ARHGAP20: variants seen among roughly 807,000 people sequenced by gnomAD.
The protein encoded by ARHGAP20 is Rho GTPase activating protein 20.
A neutral mutation model predicts 73.7 loss-of-function variants in ARHGAP20; 34 were observed. The observed-to-expected ratio is 0.46, with a 90% CI of 0.35 to 0.61. The LOEUF is 0.61. ARHGAP20 is among the 20% of genes least tolerant of loss of function. The pLI is 0.00. For missense variants in ARHGAP20, 1,314 were observed against 1,420.9 expected (o/e 0.92, Z 1.21); for synonymous variants, 523 against 518.2 (o/e 1.01, Z -0.13).
At chr11:110,642,143 T>G (rs1949090531) in intron 2 of ARHGAP20, among the ~76,000 whole-genome samples, 1 of 152,142 alleles carries the variant, frequency 6.6e-6, no homozygotes, top group Admixed American at 6.6e-5. Context: ...CTAACTGATT[T>G]TGCATCCTGA....
At chr11:110,706,729 G>GA (rs1950558083) in intron 1 of ARHGAP20, among the ~76,000 whole-genome samples, 1 of 151,958 alleles carries the variant, frequency 6.6e-6, no homozygotes, top group South Asian at 2.1e-4. Context: ...TGCATACAAA[G>GA]AAACAAAGCC....
At position 110,712,427 on chromosome 11, in the gene ARHGAP20, G is replaced by T. The variant is rs1230943360; in HGVS notation, c.-196C>A. On this transcript the variant is annotated 5_prime_UTR_variant, in exon 1 of 15. Coordinates refer to ENST00000683387, the MANE Select transcript of ARHGAP20 (RefSeq NM_001384657.1). ...CGCCTGCGCTCGACACCGCGGGCTG[G>T]AGGCGAGTGCAGCGGCGACAGCCCG... The T allele has an allele frequency of 2.5e-5, 7 of 274,958 alleles. No homozygotes were observed. The Admixed American group carries it at 2.8e-4, about 11-fold the overall frequency. The allele number at this position is 274,958 out of a possible 1,614,324, so 17.0% of individuals were successfully genotyped here. A position where few individuals can be genotyped will look rare whatever the true frequency, so the allele number is the denominator to read the frequency against.
At chr11:110,644,823 C>T (rs183652947) in intron 2 of ARHGAP20, among the ~76,000 whole-genome samples, 1 of 152,122 alleles carries the variant, frequency 6.6e-6, no homozygotes, top group East Asian at 1.9e-4. Flanking sequence ...TTCTGCATGG[C>T]AAGAGAAACA....
chr11:110,598,195 T>TAA (rs1418963288), intron 9 of ARHGAP20, among the ~76,000 whole-genome samples: 1 of 135,516 alleles, frequency 7.4e-6, no homozygotes, highest in African/African-American at 2.8e-5. Flanking sequence ...TCCCCTAGAG[T>TAA]AAAAAACACA....
chr11:110,690,729 T>A (rs1476259726), intron 1 of ARHGAP20, 100 bp from the exon 2 acceptor site: 1 of 1,150,600 alleles, frequency 8.7e-7, no homozygotes, highest in African/African-American at 1.5e-5. Context: ...GCATTGCCTA[T>A]CTTTGTCTGT....
rs945925758 is a variant in ARHGAP20, at chr11:110,577,412, T to G, written c.*1958A>C. 8.8e-6 allele frequency: 10 copies of G among 1,135,608 alleles called. No individual in the cohort carries two copies. Among genetic ancestry groups the G allele is most frequent in the Non-Finnish European group, 1.1e-5 (10 of 927,760 alleles). The allele number at this position is 1,135,608 out of a possible 1,614,324, so 70.3% of individuals were successfully genotyped here. A position where few individuals can be genotyped will look rare whatever the true frequency, so the allele number is the denominator to read the frequency against. On this transcript the variant is annotated 3_prime_UTR_variant, in exon 15 of 15. Coordinates refer to ENST00000683387, the MANE Select transcript of ARHGAP20 (RefSeq NM_001384657.1). The stretch of plus-strand genomic sequence containing the variant: ...TAGTAGGAATGGTTATTAAAAAACC[T>G]CAGCAACTATTTTCTTCTATGCTTC...
intron 2 of ARHGAP20, among the ~76,000 whole-genome samples, chr11:110,642,473 C>T (rs188028085): frequency 6.6e-6 from 1 of 152,038 alleles, no homozygotes; most frequent in Admixed American, 6.6e-5. Flanking sequence ...TGATACCGAG[C>T]TTGTTGAGGA....
intron 2 of ARHGAP20, among the ~76,000 whole-genome samples, chr11:110,683,950 A>C (rs568075185): frequency 1.3e-5 from 2 of 152,294 alleles, no homozygotes; most frequent in Non-Finnish European, 2.9e-5. Flanking sequence ...CTTATAAAAG[A>C]AGTACAAGGG....
At chr11:110,656,260 T>C (rs914357974) in intron 2 of ARHGAP20, among the ~76,000 whole-genome samples, 2 of 152,104 alleles carry the variant, frequency 1.3e-5, no homozygotes, top group Non-Finnish European at 2.9e-5. Context: ...GTGGGATTCT[T>C]AGTCCTTCTT....
chr11:110,647,055 A>T (rs1299868265), intron 2 of ARHGAP20, among the ~76,000 whole-genome samples: 2 of 152,074 alleles, frequency 1.3e-5, no homozygotes, highest in Non-Finnish European at 2.9e-5. Flanking sequence ...GAGAGAATGG[A>T]GCTTTGTAAA....
intron 2 of ARHGAP20, among the ~76,000 whole-genome samples, chr11:110,683,142 A>T (rs1950068413): frequency 1.3e-5 from 2 of 152,128 alleles, no homozygotes; most frequent in Admixed American, 1.3e-4. Context: ...ATTTTTGTGC[A>T]ATTTCCACAA....
At chr11:110,591,887 A>G in intron 10 of ARHGAP20, 90 bp downstream of exon 10, 1 of 1,370,818 alleles carries the variant, frequency 7.3e-7, no homozygotes. Context: ...GGTGTCTATA[A>G]TTTTTCCATT....
chr11:110,673,411 T>TA (rs1452649031), intron 2 of ARHGAP20, among the ~76,000 whole-genome samples: 2 of 152,084 alleles, frequency 1.3e-5, no homozygotes, highest in Non-Finnish European at 2.9e-5. Context: ...TGTCAAGTCA[T>TA]AAAAAAATTT....
intron 2 of ARHGAP20, among the ~76,000 whole-genome samples, chr11:110,679,333 G>A (rs1481691771): frequency 6.6e-6 from 1 of 152,186 alleles, no homozygotes; most frequent in Non-Finnish European, 1.5e-5. Context: ...GAGCAACTCT[G>A]ATACAGTGTA....
At chr11:110,592,282 G>C in intron 9 of ARHGAP20, 127 bp from the exon 10 acceptor site, 1 of 776,442 alleles carries the variant, frequency 1.3e-6, no homozygotes. Context: ...GATGGCTTTT[G>C]TCATTGACAA....
chr11:110,696,872 C>T lies in ARHGAP20; in HGVS notation c.106-6243G>A, dbSNP rs116067166. ...TTCATTTAGGATAATGGCCTCTAGGCTCCACCCATGTTGCTGCAAAGAAAA... is the reference window on the plus strand; with the variant it reads ...TTCATTTAGGATAATGGCCTCTAGGTTCCACCCATGTTGCTGCAAAGAAAA... On this transcript the variant is annotated intron_variant, in intron 1 of 14. Coordinates refer to ENST00000683387, the MANE Select transcript of ARHGAP20 (RefSeq NM_001384657.1). 3.5e-3 allele frequency among the ~76,000 whole-genome samples: 530 copies of T among 151,752 alleles called. 3 individuals are homozygous for T. The highest frequency in any genetic ancestry group is 0.012 in the African/African-American group (498 of 41,490).
chr11:110,643,859 C>T (rs1462531674), intron 2 of ARHGAP20, among the ~76,000 whole-genome samples: 1 of 152,020 alleles, frequency 6.6e-6, no homozygotes, highest in African/African-American at 2.4e-5. Context: ...CCTGAAGTCT[C>T]CCATTATTAT....
intron 2 of ARHGAP20, among the ~76,000 whole-genome samples, chr11:110,646,012 G>C (rs113157751): frequency 0.14 from 21,659 of 151,986 alleles, 1,679 homozygotes; most frequent in South Asian, 0.29. Flanking sequence ...ACTACCTATT[G>C]GGTACTATGC....
At chr11:110,583,321 G>A (rs1947525326) in intron 13 of ARHGAP20, among the ~76,000 whole-genome samples, 1 of 151,908 alleles carries the variant, frequency 6.6e-6, no homozygotes, top group Non-Finnish European at 1.5e-5. Context: ...ATCACTTTAT[G>A]GTTTTAATCA....
Sources: allele counts gnomAD v4.1 joint callset (sites outside exome capture counted in the v4.1 genomes callset), GRCh38; gene constraint gnomAD v4.1.1; transcripts MANE v1.5; gene names NCBI Gene and HGNC (gene_info 2026-07-23, HGNC 2026-07-21).